The following FMN1 variants were observed in gnomAD, a reference collection of about 807,000 sequenced individuals.
FMN1 encodes formin-1.
Under a neutral mutation model 132.4 loss-of-function variants are expected in FMN1, and 110 were observed. That is an observed-to-expected ratio of 0.83 (90% CI 0.71 to 0.97). FMN1 has a LOEUF of 0.97. FMN1 is among the 50% of genes least tolerant of loss of function. FMN1 has a pLI of 0.00. For missense variants in FMN1, 1,792 were observed against 1,705.3 expected, an observed-to-expected ratio of 1.05 and a Z score of -0.90; for synonymous variants, 722 against 651.7, an observed-to-expected ratio of 1.11 and a Z score of -1.64.
chr15:32,902,096 A>T, intron 12 of FMN1, 56 bp from the exon 13 acceptor site: 1 of 1,515,202 alleles, frequency 6.6e-7, no homozygotes, highest in Non-Finnish European at 9.0e-7. Context: ...GGAAAATAAA[A>T]AGACAGCTGA....
At chr15:32,818,499 T>C (rs948278368) in intron 17 of FMN1, among the ~76,000 whole-genome samples, 1 of 152,182 alleles carries the variant, frequency 6.6e-6, no homozygotes, top group African/African-American at 2.4e-5. Flanking sequence ...TATCTTTTGA[T>C]TTAACTTGGA....
chr15:32,821,710 A>G (rs1332273729), intron 17 of FMN1, among the ~76,000 whole-genome samples: 1 of 152,048 alleles, frequency 6.6e-6, no homozygotes, highest in African/African-American at 2.4e-5. Flanking sequence ...TCAGCCTCCC[A>G]AAGTGCTGGG....
At chr15:33,061,336 A>C (rs573493132) in intron 6 of FMN1, among the ~76,000 whole-genome samples, 2 of 152,294 alleles carry the variant, frequency 1.3e-5, no homozygotes, top group East Asian at 3.9e-4. Flanking sequence ...TTCTAAGAAA[A>C]ATAAATCACA....
chr15:33,135,987 CAA>C (rs1358240388), intron 4 of FMN1, among the ~76,000 whole-genome samples: 2 of 152,078 alleles, frequency 1.3e-5, no homozygotes, highest in African/African-American at 4.8e-5. Context: ...ATACTTAGAA[CAA>C]TGATGAATAT....
In FMN1 at chr15:32,804,326, T is replaced by C; in HGVS notation, c.3935A>G (p.Lys1312Arg). The stretch of plus-strand genomic sequence containing the variant: ...GTGACTTTCTTCCATCTTATGCTCT[T>C]TTTTGGCTGTAAAAGATAAATCATG... ...KLEEFFQKAK[K>R]EHKMEESHLE... The change falls in exon 18 of 21, where the codon AAA becomes AGA. Residue 1312 changes from lysine to arginine, a missense_variant. Lys to Arg is a conservative substitution (Grantham distance 26). Coordinates refer to ENST00000616417, the MANE Select transcript of FMN1 (RefSeq NM_001277313.2). The C allele has an allele frequency of 6.4e-7, 1 of 1,560,906 alleles. No homozygotes were observed.
chr15:32,887,146 A>G (rs914344082), intron 16 of FMN1, among the ~76,000 whole-genome samples: 4 of 152,068 alleles, frequency 2.6e-5, no homozygotes, highest in Admixed American at 6.6e-5. Flanking sequence ...CTTTACTTCC[A>G]TTTCCAAGCT....
At chr15:33,066,761 G>C in intron 5 of FMN1, 1 of 1,613,966 alleles carries the variant, frequency 6.2e-7, no homozygotes. Context: ...CTCTTGGTCA[G>C]CATTGCAGCC....
chr15:32,816,581 G>A (rs2058066227), intron 17 of FMN1, among the ~76,000 whole-genome samples: 1 of 152,162 alleles, frequency 6.6e-6, no homozygotes, highest in Admixed American at 6.6e-5. Flanking sequence ...GAAAGCGAGT[G>A]ACCTGCCTAA....
At chr15:33,021,617 A>C (rs866772448) in intron 6 of FMN1, among the ~76,000 whole-genome samples, 1 of 152,176 alleles carries the variant, frequency 6.6e-6, no homozygotes, top group African/African-American at 2.4e-5. Flanking sequence ...ATTCGTGGCT[A>C]TATCTCTGAC....
chr15:33,098,939 TC>T (rs906439310), intron 4 of FMN1, among the ~76,000 whole-genome samples: 3 of 152,184 alleles, frequency 2.0e-5, no homozygotes, highest in Admixed American at 2.0e-4. Context: ...CCCTTCAATC[TC>T]CACACAATCT....
intron 6 of FMN1, among the ~76,000 whole-genome samples, chr15:33,018,472 T>A: frequency 6.6e-6 from 1 of 152,064 alleles, no homozygotes; most frequent in East Asian, 1.9e-4. Context: ...CATGCGTACA[T>A]AATAGAGCTT....
At chr15:32,792,467 C>CAAA (rs35970344) in intron 19 of FMN1, among the ~76,000 whole-genome samples, 62 of 148,622 alleles carry the variant, frequency 4.2e-4, no homozygotes, top group African/African-American at 1.5e-3. Flanking sequence ...AACAAACAAA[C>CAAA]AAAAAAAACC....
intron 6 of FMN1, among the ~76,000 whole-genome samples, chr15:33,026,314 G>C (rs2035667930): frequency 6.6e-6 from 1 of 151,112 alleles, no homozygotes; most frequent in Non-Finnish European, 1.5e-5. Flanking sequence ...CTTAAGTATA[G>C]ATGGTTAATA....
At chr15:32,856,038 T>G (rs2059124518) in intron 17 of FMN1, among the ~76,000 whole-genome samples, 1 of 152,180 alleles carries the variant, frequency 6.6e-6, no homozygotes, top group South Asian at 2.1e-4. Flanking sequence ...AAGGGAGCAA[T>G]GGTCTCTGCA....
chr15:33,103,018 G>A (rs1391994664), intron 4 of FMN1, among the ~76,000 whole-genome samples: 1 of 152,008 alleles, frequency 6.6e-6, no homozygotes, highest in East Asian at 1.9e-4. Context: ...GCTTAATGGG[G>A]CAGAACCTTA....
At chr15:33,187,020 C>T (rs995361573) in intron 2 of FMN1, among the ~76,000 whole-genome samples, 1 of 152,166 alleles carries the variant, frequency 6.6e-6, no homozygotes, top group African/African-American at 2.4e-5. Flanking sequence ...TGCCCAGGAA[C>T]AGAGTCATGT....
intron 5 of FMN1, among the ~76,000 whole-genome samples, chr15:33,083,737 G>A (rs1369246366): frequency 6.6e-6 from 1 of 152,192 alleles, no homozygotes; most frequent in Non-Finnish European, 1.5e-5. Context: ...AGACCTGCTG[G>A]GCTGCATTCC....
At chr15:32,881,477 G>C (rs971740279) in intron 16 of FMN1, among the ~76,000 whole-genome samples, 1 of 152,072 alleles carries the variant, frequency 6.6e-6, no homozygotes, top group Non-Finnish European at 1.5e-5. Flanking sequence ...TTTTCAAAAG[G>C]AACTGAAATT....
intron 5 of FMN1, among the ~76,000 whole-genome samples, chr15:33,071,529 G>A (rs2038000359): frequency 6.6e-6 from 1 of 152,172 alleles, no homozygotes; most frequent in Non-Finnish European, 1.5e-5. Context: ...TAGTTTAGTT[G>A]GAGATCTCTA....
Sources: gnomAD v4.1 joint callset for allele counts (sites outside exome capture counted in the v4.1 genomes callset) on GRCh38, gnomAD v4.1.1 for gene constraint, MANE v1.5 for transcripts, NCBI Gene and HGNC (gene_info 2026-07-23, HGNC 2026-07-21) for gene names.